Variants in FRYL observed in about 807,000 individuals in gnomAD.
FRYL encodes FRY like transcription coactivator, also known as protein furry homolog-like.
Under a neutral mutation model 351.2 loss-of-function variants are expected in FRYL, and 150 were observed. The observed-to-expected ratio is 0.43, with a 90% confidence interval of 0.37 to 0.49. The LOEUF is 0.49. Ranked by LOEUF, FRYL falls within the 20% of genes least tolerant of loss-of-function variation. The probability of loss-of-function intolerance (pLI) is 0.00; values close to 1 mark genes in which losing one functional copy is unlikely to be tolerated. For missense variants in FRYL, 3,036 were observed against 3,619.3 expected (o/e 0.84, Z 4.13); for synonymous variants, 1,153 against 1,257.1 (o/e 0.92, Z 1.75).
chr4:48,621,484 A>G (rs1750632279), intron 5 of FRYL, among the ~76,000 whole-genome samples: 1 of 152,244 alleles, frequency 6.6e-6, no homozygotes, highest in African/African-American at 2.4e-5. Context: ...TACCATCAGC[A>G]GTCCCTAAGG....
intron 1 of FRYL, among the ~76,000 whole-genome samples, chr4:48,756,674 G>C (rs547380054): frequency 3.9e-5 from 6 of 152,190 alleles, no homozygotes; most frequent in Non-Finnish European, 8.8e-5. Flanking sequence ...ATTGACAGGA[G>C]AAGTAGCTCA....
intron 1 of FRYL, among the ~76,000 whole-genome samples, chr4:48,711,303 T>C (rs1446546420): frequency 1.3e-5 from 2 of 152,212 alleles, no homozygotes; most frequent in Non-Finnish European, 2.9e-5. Context: ...GGAGTTCCCT[T>C]TCCTAATCAA....
intron 13 of FRYL, among the ~76,000 whole-genome samples, chr4:48,598,085 A>G (rs1744974323): frequency 6.6e-6 from 1 of 152,238 alleles, no homozygotes; most frequent in South Asian, 2.1e-4. Context: ...GTGAACTAAA[A>G]AAATGATTTG....
At chr4:48,689,606 T>C (rs1180867353) in intron 2 of FRYL, among the ~76,000 whole-genome samples, 2 of 152,198 alleles carry the variant, frequency 1.3e-5, no homozygotes, top group Non-Finnish European at 2.9e-5. Flanking sequence ...AAATATTTAT[T>C]AAGCAGAACT....
At chr4:48,615,150 G>C (rs1199130213) in intron 7 of FRYL, among the ~76,000 whole-genome samples, 2 of 152,140 alleles carry the variant, frequency 1.3e-5, no homozygotes, top group Non-Finnish European at 2.9e-5. Context: ...ATCACATTAT[G>C]AAAGTAAAGA....
chr4:48,502,843 T>A lies in FRYL; in HGVS notation c.8466A>T (p.Gln2822His), dbSNP rs757209607. The change falls in exon 61 of 64, where the codon CAA becomes CAT. Residue 2822 changes from glutamine (Q) to histidine (H), a missense_variant and splice_region_variant. By Grantham distance (24) the Gln-to-His change is conservative. This residue lies in a region of FRYL where 1,987 missense variants were observed against 2,311.7 expected (regional missense o/e 0.86). Transcript: ENST00000358350. ...GGTCACTTACTGCTAGTATTTCCAT[T>A]TGCTAAGCAAGAAGGTGATCAGGTC... is the stretch of plus-strand genomic sequence containing the variant. ...DMYRINTDAQQMEILAELELC... is the reference protein window; with the variant it reads ...DMYRINTDAQHMEILAELELC... The A allele has an allele frequency of 6.2e-7, 1 of 1,610,544 alleles. No homozygotes were observed. Among genetic ancestry groups the A allele is most frequent in the Middle Eastern group, 1.7e-4 (1 of 6,046 alleles).
At chr4:48,675,783 T>C (rs527940846) in intron 3 of FRYL, among the ~76,000 whole-genome samples, 2 of 152,184 alleles carry the variant, frequency 1.3e-5, no homozygotes, top group Non-Finnish European at 2.9e-5. Context: ...CAGGATCCAC[T>C]AGGTGAAGCC....
intron 28 of FRYL, among the ~76,000 whole-genome samples, chr4:48,566,166 C>T (rs1736734113): frequency 6.6e-6 from 1 of 151,948 alleles, no homozygotes; most frequent in Admixed American, 6.6e-5. Context: ...AGGAAGCTTA[C>T]ATGTAATCTC....
In FRYL at chr4:48,523,006, A is replaced by G; in HGVS notation, c.7416T>C (p.Ser2472=). ...DTPSLQEYQC[S]SSTPSLNLTN... ...TGAGGTTCAGGCTGGGGGTGCTACT[A>G]GAGCACTGGTACTCCTGGAGGGATG... Residue 2472 remains serine (S), a synonymous_variant, in exon 54 of 64, where the codon TCT becomes TCC. Coordinates refer to ENST00000358350, the MANE Select transcript of FRYL (RefSeq NM_015030.2). 1 of 1,613,740 alleles carries G rather than the reference A, an allele frequency of 6.2e-7. No individual in the cohort carries two copies. The highest frequency in any genetic ancestry group is 1.1e-5 in the South Asian group (1 of 91,070).
At chr4:48,506,617 T>A (rs1180064868) in intron 59 of FRYL, 1 of 2,152 alleles carries the variant, frequency 4.6e-4, no homozygotes, top group African/African-American at 3.0e-3. Flanking sequence ...ATACAACTAA[T>A]ATATATATAT....
chr4:48,608,142 T>C (rs1006882134), intron 9 of FRYL, among the ~76,000 whole-genome samples: 2 of 152,206 alleles, frequency 1.3e-5, no homozygotes, highest in Non-Finnish European at 2.9e-5. Context: ...AACCATGTTC[T>C]AAGTTCCATA....
intron 3 of FRYL, among the ~76,000 whole-genome samples, chr4:48,667,872 T>G (rs1762010732): frequency 1.3e-5 from 2 of 152,224 alleles, no homozygotes; most frequent in African/African-American, 4.8e-5. Flanking sequence ...GGTCTCAAAC[T>G]CCTGGCCTCA....
chr4:48,759,586 C>T (rs1436887902), intron 1 of FRYL, among the ~76,000 whole-genome samples: 5 of 152,156 alleles, frequency 3.3e-5, no homozygotes, highest in East Asian at 1.9e-4. Flanking sequence ...GGGTGCCCCA[C>T]TTCCTTCACT....
chr4:48,694,199 G>T (rs775649718), intron 2 of FRYL, among the ~76,000 whole-genome samples: 1 of 152,026 alleles, frequency 6.6e-6, no homozygotes, highest in Non-Finnish European at 1.5e-5. Flanking sequence ...GGTTTCAAGT[G>T]GGGGGTGGGA....
At chr4:48,619,452 C>T in intron 6 of FRYL, 82 bp from the exon 7 acceptor site, 1 of 688,112 alleles carries the variant, frequency 1.5e-6, no homozygotes, top group South Asian at 2.4e-5. Flanking sequence ...ATGTCGCTTA[C>T]TGTTTTCCTA....
intron 4 of FRYL, among the ~76,000 whole-genome samples, chr4:48,632,104 A>ATATATGTATATATATATATATATG (rs1553957626): frequency 2.0e-5 from 1 of 49,924 alleles, no homozygotes; most frequent in South Asian, 8.0e-4. Flanking sequence ...ATATATATAT[A>ATATATGTATATATATATATATATG]TATATATATA....
At chr4:48,560,451 T>G (rs1735220715) in intron 33 of FRYL, among the ~76,000 whole-genome samples, 1 of 151,966 alleles carries the variant, frequency 6.6e-6, no homozygotes, top group South Asian at 2.1e-4. Flanking sequence ...GACAAGGTGG[T>G]GGGGGTGTGG....
intron 4 of FRYL, among the ~76,000 whole-genome samples, chr4:48,629,188 GA>G (rs1366576029): frequency 6.6e-6 from 1 of 151,984 alleles, no homozygotes; most frequent in Admixed American, 6.6e-5. Flanking sequence ...TAGCTTCAGA[GA>G]AAGCAAGAGA....
chr4:48,770,594 C>T lies in FRYL; in HGVS notation c.-384+9484G>A, dbSNP rs1472893370. Among the ~76,000 whole-genome samples the T allele has an allele frequency of 4.6e-5, 7 of 152,128 alleles. No individual in the cohort carries two copies. In the East Asian group the frequency reaches 5.8e-4, roughly 13 times the overall value. On this transcript the variant is annotated intron_variant, in intron 1 of 63. Coordinates refer to ENST00000358350, the MANE Select transcript of FRYL (RefSeq NM_015030.2). Reference sequence around the variant, plus strand: ...CTGGGATTACAGGCATGCACTACCACGCCTGGCTAATTTTGTATTTTTAGT... The same window carrying T: ...CTGGGATTACAGGCATGCACTACCATGCCTGGCTAATTTTGTATTTTTAGT...
Sources: allele counts gnomAD v4.1 joint callset (sites outside exome capture counted in the v4.1 genomes callset), GRCh38; gene constraint gnomAD v4.1.1; regional missense constraint gnomAD v4.1.1; transcripts MANE v1.5; gene names NCBI Gene and HGNC (gene_info 2026-07-23, HGNC 2026-07-21).